Variants in TMF1 observed in about 807,000 individuals in gnomAD.
TMF1 encodes the protein TATA element modulatory factor.
In TMF1, 71 loss-of-function variants were observed where a neutral mutation model predicts 126.5. That is an observed-to-expected ratio of 0.56 (90% CI 0.46 to 0.68). The LOEUF (loss-of-function observed/expected upper bound fraction) is 0.68, where lower values mean the gene tolerates loss of function less well. Ranked by LOEUF, TMF1 falls within the 30% of genes least tolerant of loss-of-function variation. The pLI, the probability that TMF1 is intolerant of heterozygous loss-of-function variation, is 0.00. For synonymous variants in TMF1, 461 were observed against 430.5 expected (o/e 1.07, Z -0.88); for missense variants, 1,259 against 1,253.2 (o/e 1.00, Z -0.07).
intron 15 of TMF1, 73 bp downstream of exon 15, chr3:69,025,487 G>T: frequency 7.2e-7 from 1 of 1,387,496 alleles, no homozygotes; most frequent in South Asian, 1.5e-5. Flanking sequence ...GAATTCAGAT[G>T]GAAATGAAGG....
chr3:69,045,807 C>T (rs2091892470), intron 2 of TMF1, among the ~76,000 whole-genome samples: 1 of 152,048 alleles, frequency 6.6e-6, no homozygotes, highest in Admixed American at 6.6e-5. Flanking sequence ...TGCTTATAAT[C>T]CCAGCACTGT....
intron 7 of TMF1, 58 bp from the exon 8 acceptor site, chr3:69,038,778 A>T: frequency 6.3e-7 from 1 of 1,587,648 alleles, no homozygotes; most frequent in Non-Finnish European, 8.6e-7. Context: ...TAGAAAAAGT[A>T]TTTCTTCAAC....
intron 1 of TMF1, among the ~76,000 whole-genome samples, chr3:69,051,463 A>G (rs1475193768): frequency 6.6e-6 from 1 of 152,158 alleles, no homozygotes; most frequent in African/African-American, 2.4e-5. Context: ...CGACGGAGTG[A>G]GACTCCGTCT....
At chr3:69,036,186 C>A (rs947836339) in intron 8 of TMF1, among the ~76,000 whole-genome samples, 1 of 151,978 alleles carries the variant, frequency 6.6e-6, no homozygotes, top group African/African-American at 2.4e-5. Flanking sequence ...GAGTGATCAT[C>A]AGGATATTTT....
intron 15 of TMF1, 162 bp from the exon 16 acceptor site, chr3:69,024,342 G>C (rs2091755156): frequency 3.5e-6 from 2 of 568,678 alleles, no homozygotes; most frequent in Non-Finnish European, 5.5e-6. Context: ...AAAGGAAACA[G>C]TGGCAGAAAA....
intron 15 of TMF1, chr3:69,025,031 A>C (rs1011018893): frequency 1.3e-5 from 2 of 152,206 alleles, no homozygotes; most frequent in African/African-American, 4.8e-5. Context: ...AAAAGCCAAA[A>C]AGGTAAGATG....
In TMF1 at chr3:69,044,466, A is replaced by G; in HGVS notation, c.1451+26T>C. 8 of 1,291,644 alleles carry G rather than the reference A, an allele frequency of 6.2e-6. No homozygotes were observed. In the South Asian group the frequency reaches 7.7e-5, roughly 12 times the overall value. The allele number at this position is 1,291,644 out of a possible 1,614,324, so 80.0% of individuals were successfully genotyped here. A position where few individuals can be genotyped will look rare whatever the true frequency, so the allele number is the denominator to read the frequency against. The stretch of plus-strand genomic sequence containing the variant: ...TACAGGTTTCCAGAAAATGTGTAAC[A>G]TTATTCACATTTGCAGAATACTTAC... On this transcript the variant is annotated intron_variant, in intron 3 of 16. Transcript: ENST00000398559.
At position 69,021,874 on chromosome 3, in the gene TMF1, T is replaced by A. The variant is rs1295225804; in HGVS notation, c.*1303A>T. ...TTTTGTATTTTTAGTAGAGATGGGG[T>A]TTCACCAAACTGCTGGCCATGCTGG... On this transcript the variant is annotated 3_prime_UTR_variant, in exon 17 of 17. Transcript: ENST00000398559. 2 of 152,064 alleles carry A rather than the reference T, an allele frequency of 1.3e-5. No individual in the cohort carries two copies. The highest frequency in any genetic ancestry group is 2.9e-5 in the Non-Finnish European group (2 of 68,046). The allele number at this position is 152,064 out of a possible 1,614,324, so 9.4% of individuals were successfully genotyped here. A position where few individuals can be genotyped will look rare whatever the true frequency, so the allele number is the denominator to read the frequency against.
At position 69,047,969 on chromosome 3, in the gene TMF1, CAGG is replaced by C; in HGVS notation, c.733_735del (p.Pro245del). The C allele has an allele frequency of 6.2e-7, 1 of 1,613,868 alleles. No individual in the cohort carries two copies. The highest frequency in any genetic ancestry group is 8.5e-7 in the Non-Finnish European group (1 of 1,180,028). Reference sequence around the variant, plus strand: ...GAAGTACCTGATGAAAAGGTACTAACAGGAGGAGAAGGTGTATTGCTCTGCCTG... The same window carrying C: ...GAAGTACCTGATGAAAAGGTACTAACAGGAGAAGGTGTATTGCTCTGCCTG... On this transcript the variant is annotated inframe_deletion, in exon 2 of 17. Transcript: ENST00000398559.
At position 69,023,141 on chromosome 3, in the gene TMF1, T is replaced by C. The variant is rs1049531366; in HGVS notation, c.*36A>G. ...CATTAAATGTTTAGATATTAAATGC[T>C]TACATTCAGTTTGATGGGAATTCAA... On this transcript the variant is annotated 3_prime_UTR_variant, in exon 17 of 17. Coordinates refer to ENST00000398559, the MANE Select transcript of TMF1 (RefSeq NM_007114.3). The C allele has an allele frequency of 3.8e-6, 6 of 1,572,214 alleles. No homozygotes were observed. The highest frequency in any genetic ancestry group is 1.4e-5 in the African/African-American group (1 of 73,656).
intron 8 of TMF1, among the ~76,000 whole-genome samples, chr3:69,037,193 T>C (rs1047438673): frequency 1.3e-5 from 2 of 152,164 alleles, no homozygotes; most frequent in Non-Finnish European, 2.9e-5. Flanking sequence ...ACATCATTAG[T>C]CATTAAGAGA....
At chr3:69,032,841 C>T (rs946755786) in intron 10 of TMF1, among the ~76,000 whole-genome samples, 10 of 151,994 alleles carry the variant, frequency 6.6e-5, no homozygotes, top group Admixed American at 2.0e-4. Flanking sequence ...GAACTCCTGG[C>T]GTCAAGTGAT....
rs1266399539 is a variant in TMF1, at chr3:69,043,813, T to C, written c.1515A>G (p.Gln505=). The change falls in exon 4 of 17, where the codon CAA becomes CAG. Residue 505 remains glutamine (Q), a synonymous_variant. Coordinates refer to ENST00000398559, the MANE Select transcript of TMF1 (RefSeq NM_007114.3). The part of the protein sequence containing the change: ...SISSLKDEFT[Q]RIAEAEKKVQ... ...CTTTCTTTTCTGCTTCTGCAATTCT[T>C]TGAGTAAACTCATCTTTCAAGGAAG... is the stretch of plus-strand genomic sequence containing the variant. 1.2e-6 allele frequency: 2 copies of C among 1,612,518 alleles called. No individual in the cohort carries two copies. Among genetic ancestry groups the C allele is most frequent in the Non-Finnish European group, 1.7e-6 (2 of 1,179,190 alleles).
chr3:69,034,192 G>A (rs1374655612), intron 9 of TMF1, among the ~76,000 whole-genome samples: 1 of 152,216 alleles, frequency 6.6e-6, no homozygotes, highest in East Asian at 1.9e-4. Flanking sequence ...TACTTCTTTG[G>A]CCAGGCACGG....
chr3:69,044,378 T>C lies in TMF1; in HGVS notation c.1451+114A>G, dbSNP rs2091883848. 7 of 594,404 alleles carry C rather than the reference T, an allele frequency of 1.2e-5. No homozygotes were observed. The South Asian group carries it at 1.7e-4, about 15-fold the overall frequency. The allele number at this position is 594,404 out of a possible 1,614,324, so 36.8% of individuals were successfully genotyped here. A position where few individuals can be genotyped will look rare whatever the true frequency, so the allele number is the denominator to read the frequency against. On this transcript the variant is annotated intron_variant, in intron 3 of 16. Coordinates refer to ENST00000398559, the MANE Select transcript of TMF1 (RefSeq NM_007114.3). ...GTTATAATTGAAAGCTATACAACTTTCAATAATGATAAAATTACAAAACAT... is the reference window on the plus strand; with the variant it reads ...GTTATAATTGAAAGCTATACAACTTCCAATAATGATAAAATTACAAAACAT...
rs1031591229 is a variant in TMF1, at chr3:69,038,594, G to A, written c.2121C>T (p.Ala707=). 6 of 1,613,698 alleles carry A rather than the reference G, an allele frequency of 3.7e-6. No homozygotes were observed. In the South Asian group the frequency reaches 5.5e-5, roughly 15 times the overall value. The change falls in exon 8 of 17, where the codon GCC becomes GCT. Residue 707 remains alanine (A), a synonymous_variant. Transcript: ENST00000398559. The part of the protein sequence containing the change: ...SAALEKAQEE[A]RQQQETLAIQ... The stretch of plus-strand genomic sequence containing the variant: ...TGGCTAATGTTTCTTGCTGCTGACG[G>A]GCTTCTTCTTGGGCCTTCTCTAATG...
At position 69,035,082 on chromosome 3, in the gene TMF1, C is replaced by G; in HGVS notation, c.2185G>C (p.Glu729Gln). 2 of 1,614,184 alleles carry G rather than the reference C, an allele frequency of 1.2e-6. No homozygotes were observed. The highest frequency in any genetic ancestry group is 1.3e-5 in the African/African-American group (1 of 75,058). ...GDLRLALQRT[E>Q]QAAARKEDYL... ...TCCTCCTTTCTGGCAGCCGCTTGTTCTGTACGCTGCAATGCAAGCCTAAGG... is the reference window on the plus strand; with the variant it reads ...TCCTCCTTTCTGGCAGCCGCTTGTTGTGTACGCTGCAATGCAAGCCTAAGG... Residue 729 changes from glutamate (E) to glutamine (Q), a missense_variant, in exon 9 of 17, where the codon GAA (glutamate) becomes CAA (glutamine). Glu to Gln is a conservative substitution (Grantham distance 29). Coordinates refer to ENST00000398559, the MANE Select transcript of TMF1 (RefSeq NM_007114.3).
chr3:69,024,280 T>C, intron 15 of TMF1, 100 bp from the exon 16 acceptor site: 1 of 1,177,190 alleles, frequency 8.5e-7, no homozygotes, highest in Non-Finnish European at 1.2e-6. Context: ...TTTTTTTTTT[T>C]TTTTGAAATA....
At chr3:69,023,521 A>G (rs963705815) in intron 16 of TMF1, among the ~76,000 whole-genome samples, 1 of 152,082 alleles carries the variant, frequency 6.6e-6, no homozygotes, top group African/African-American at 2.4e-5. Context: ...ACCAAGCTAG[A>G]TGGCTATCAA....
Sources: gnomAD v4.1 joint callset for allele counts (sites outside exome capture counted in the v4.1 genomes callset) on GRCh38, gnomAD v4.1.1 for gene constraint, MANE v1.5 for transcripts, NCBI Gene and HGNC (gene_info 2026-07-23, HGNC 2026-07-21) for gene names.